PRLR: variants seen among roughly 807,000 people sequenced by gnomAD.
The protein encoded by PRLR is hPRL receptor.
PRLR carries 13 observed loss-of-function variants against 40.2 expected under a neutral mutation model. The observed-to-expected ratio is 0.32, with a 90% confidence interval of 0.21 to 0.51. PRLR has a LOEUF of 0.51. Ranked by LOEUF, PRLR falls within the 20% of genes least tolerant of loss-of-function variation. The probability of loss-of-function intolerance (pLI) is 0.97; values close to 1 mark genes in which losing one functional copy is unlikely to be tolerated. For missense variants in PRLR, 656 were observed against 747.3 expected, an observed-to-expected ratio of 0.88 and a Z score of 1.42; for synonymous variants, 269 against 278.7, an observed-to-expected ratio of 0.97 and a Z score of 0.35.
At chr5:35,162,422 T>G (rs1469621059) in intron 1 of PRLR, among the ~76,000 whole-genome samples, 1 of 152,224 alleles carries the variant, frequency 6.6e-6, no homozygotes, top group East Asian at 1.9e-4. Context: ...TTTTGTATAC[T>G]TTTTATCCAT....
chr5:35,191,613 C>T (rs1775609789), intron 1 of PRLR, among the ~76,000 whole-genome samples: 1 of 152,212 alleles, frequency 6.6e-6, no homozygotes, highest in South Asian at 2.1e-4. Context: ...TCTCTCCTGC[C>T]AACAGACCTT....
chr5:35,188,772 G>A (rs1323822540), intron 1 of PRLR, among the ~76,000 whole-genome samples: 1 of 152,132 alleles, frequency 6.6e-6, no homozygotes, highest in African/African-American at 2.4e-5. Context: ...CACTGTCCTG[G>A]GAGCTTTTTA....
chr5:35,222,560 C>T (rs1407778943), intron 1 of PRLR, among the ~76,000 whole-genome samples: 1 of 152,102 alleles, frequency 6.6e-6, no homozygotes, highest in Admixed American at 6.5e-5. Context: ...ACGGGGCTCT[C>T]GGGACCACTG....
chr5:35,106,828 G>A (rs542395441), intron 2 of PRLR, among the ~76,000 whole-genome samples: 38 of 152,244 alleles, frequency 2.5e-4, no homozygotes, highest in African/African-American at 8.9e-4. Context: ...GACACAGAAA[G>A]TTAACAAGGA....
At chr5:35,049,901 T>C (rs2112319841) in intron 8 of PRLR, among the ~76,000 whole-genome samples, 1 of 149,202 alleles carries the variant, frequency 6.7e-6, no homozygotes, top group South Asian at 2.1e-4. Flanking sequence ...CGAAACTACA[T>C]TCTTTTTTTT....
chr5:35,117,675 T>G (rs1384787890), intron 2 of PRLR, among the ~76,000 whole-genome samples: 1 of 152,194 alleles, frequency 6.6e-6, no homozygotes, highest in Non-Finnish European at 1.5e-5. Context: ...TATGTAGAGT[T>G]GCTTAAGAAA....
chr5:35,133,816 A>G (rs1579714021), intron 1 of PRLR, among the ~76,000 whole-genome samples: 2 of 152,318 alleles, frequency 1.3e-5, no homozygotes, highest in Admixed American at 1.3e-4. Flanking sequence ...TCACAGTCTC[A>G]TTTTTGCCAA....
At chr5:35,194,290 C>A (rs1454533632) in intron 1 of PRLR, among the ~76,000 whole-genome samples, 7 of 152,198 alleles carry the variant, frequency 4.6e-5, no homozygotes, top group African/African-American at 1.7e-4. Flanking sequence ...GACCTCATGA[C>A]ACTCTGTCTA....
At chr5:35,087,253 C>A (rs370113078) in intron 3 of PRLR, among the ~76,000 whole-genome samples, 47 of 152,220 alleles carry the variant, frequency 3.1e-4, no homozygotes, top group African/African-American at 1.1e-3. Flanking sequence ...GCCTCCCAAA[C>A]TGCTGGGATT....
Position 35,221,558 on chromosome 5 carries a change from A to G in PRLR, c.-106+8710T>C, listed in dbSNP as rs370278060. 3.0e-4 allele frequency among the ~76,000 whole-genome samples: 46 copies of G among 152,244 alleles called. 1 individual carries two copies. The highest frequency in any genetic ancestry group is 1.1e-3 in the African/African-American group (44 of 41,466). On this transcript the variant is annotated intron_variant, in intron 1 of 9. Transcript: ENST00000618457. ...TAAAACAAGGCAAAAGAAGAAATAC[A>G]AATAAGTAATTAAGATTTGGATCAT...
At chr5:35,078,870 A>G (rs945485278) in intron 5 of PRLR, among the ~76,000 whole-genome samples, 2 of 152,114 alleles carry the variant, frequency 1.3e-5, no homozygotes, top group African/African-American at 4.8e-5. Context: ...ATGATCAAGT[A>G]GGCTTCATCC....
intron 9 of PRLR, among the ~76,000 whole-genome samples, chr5:35,066,808 G>C (rs1579564408): frequency 7.3e-6 from 1 of 136,908 alleles, no homozygotes; most frequent in Non-Finnish European, 1.5e-5. Context: ...CTGTTGCCCA[G>C]GCTGGAGTGC....
chr5:35,190,160 G>C (rs1194898679), intron 1 of PRLR, among the ~76,000 whole-genome samples: 3 of 152,258 alleles, frequency 2.0e-5, no homozygotes, highest in African/African-American at 7.2e-5. Flanking sequence ...TGTTATGGCA[G>C]CCCCAGCAAA....
chr5:35,107,921 A>G (rs202241218), intron 2 of PRLR, among the ~76,000 whole-genome samples: 1 of 152,174 alleles, frequency 6.6e-6, no homozygotes, highest in Non-Finnish European at 1.5e-5. Context: ...GACACACACA[A>G]AAAAGAGAAT....
At chr5:35,082,331 G>A (rs2112447423) in intron 5 of PRLR, among the ~76,000 whole-genome samples, 1 of 152,330 alleles carries the variant, frequency 6.6e-6, no homozygotes, top group South Asian at 2.1e-4. Flanking sequence ...ACTAAACAAT[G>A]CTTCTGATAA....
intron 1 of PRLR, among the ~76,000 whole-genome samples, chr5:35,210,495 C>T (rs1224160789): frequency 6.6e-6 from 1 of 152,186 alleles, no homozygotes; most frequent in Non-Finnish European, 1.5e-5. Flanking sequence ...AAACTTTTCT[C>T]ACAGAGTCAG....
At chr5:35,197,744 G>A (rs577077242) in intron 1 of PRLR, among the ~76,000 whole-genome samples, 2 of 152,336 alleles carry the variant, frequency 1.3e-5, no homozygotes, top group East Asian at 1.9e-4. Flanking sequence ...CCCAACCAGC[G>A]ACTGCTGCTC....
At chr5:35,087,293 T>C (rs1419092516) in intron 3 of PRLR, among the ~76,000 whole-genome samples, 2 of 152,064 alleles carry the variant, frequency 1.3e-5, no homozygotes, top group Non-Finnish European at 2.9e-5. Context: ...CCTGGCCACT[T>C]TTCCTTGATT....
At chr5:35,147,252 G>T (rs189356883) in intron 1 of PRLR, among the ~76,000 whole-genome samples, 1 of 152,162 alleles carries the variant, frequency 6.6e-6, no homozygotes, top group Non-Finnish European at 1.5e-5. Context: ...ATCTCCCTGA[G>T]ATTTGCTGCA....
Sources: gnomAD v4.1 joint callset for allele counts (sites outside exome capture counted in the v4.1 genomes callset) on GRCh38, gnomAD v4.1.1 for gene constraint, MANE v1.5 for transcripts, NCBI Gene and HGNC (gene_info 2026-07-23, HGNC 2026-07-21) for gene names.